RIC8B: variants seen among roughly 807,000 people sequenced by gnomAD.
RIC8B encodes chaperone Ric-8B.
In RIC8B, 16 loss-of-function variants were observed where a neutral mutation model predicts 57.5. The ratio of observed to expected loss-of-function variants is 0.28; its 90% CI spans 0.19 to 0.42. The LOEUF (loss-of-function observed/expected upper bound fraction) is 0.42, where lower values mean the gene tolerates loss of function less well. Ranked by LOEUF, RIC8B falls within the 10% of genes least tolerant of loss-of-function variation. The pLI is 1.00. For synonymous variants in RIC8B, 216 were observed against 250.8 expected, an observed-to-expected ratio of 0.86 and a Z score of 1.31; for missense variants, 481 against 677.0, an observed-to-expected ratio of 0.71 and a Z score of 3.21.
intron 3 of RIC8B, among the ~76,000 whole-genome samples, chr12:106,819,350 C>T (rs1193065091): frequency 6.6e-6 from 1 of 152,078 alleles, no homozygotes; most frequent in Non-Finnish European, 1.5e-5. Flanking sequence ...TAAGATTTAA[C>T]TTGGGGGATA....
rs767694785 is a variant in RIC8B, at chr12:106,842,790, G to C, written c.1038G>C (p.Leu346=). Residue 346 remains leucine (L), a synonymous_variant, in exon 5 of 10, where the codon CTG becomes CTC. Transcript: ENST00000392837. ...GMNMEAIHVL[L]NFMEKRIDKG... Reference sequence around the variant, plus strand: ...ATATGGAGGCCATTCATGTTTTACTGAATTTTATGGAGAAGAGAATAGACA... The same window carrying C: ...ATATGGAGGCCATTCATGTTTTACTCAATTTTATGGAGAAGAGAATAGACA... The C allele has an allele frequency of 1.2e-6, 2 of 1,610,390 alleles. No homozygotes were observed. Among genetic ancestry groups the C allele is most frequent in the Non-Finnish European group, 8.5e-7 (1 of 1,176,822 alleles).
At chr12:106,809,266 G>A (rs1850615551) in intron 2 of RIC8B, among the ~76,000 whole-genome samples, 1 of 152,160 alleles carries the variant, frequency 6.6e-6, no homozygotes, top group Admixed American at 6.5e-5. Flanking sequence ...GCTCAGGCCT[G>A]TAATCCCAGC....
At chr12:106,843,743 A>C in intron 5 of RIC8B, 109 bp from the exon 6 acceptor site, 1 of 654,070 alleles carries the variant, frequency 1.5e-6, no homozygotes. Flanking sequence ...AAAAAAAAAA[A>C]AGTCCCCACC....
At chr12:106,847,919 G>A (rs1269432606) in intron 6 of RIC8B, among the ~76,000 whole-genome samples, 6 of 152,184 alleles carry the variant, frequency 3.9e-5, no homozygotes, top group Admixed American at 3.9e-4. Context: ...GAAGAAAGCA[G>A]TAAACAAAAC....
intron 9 of RIC8B, among the ~76,000 whole-genome samples, chr12:106,871,783 TA>T (rs1385364533): frequency 6.6e-6 from 1 of 152,046 alleles, no homozygotes; most frequent in East Asian, 1.9e-4. Flanking sequence ...AGTAACTGTG[TA>T]AAGGCTAGTA....
At chr12:106,855,224 C>T (rs1841028668) in intron 7 of RIC8B, among the ~76,000 whole-genome samples, 1 of 152,168 alleles carries the variant, frequency 6.6e-6, no homozygotes, top group Admixed American at 6.5e-5. Flanking sequence ...CTGTAATACC[C>T]ACTTCAGTCT....
At chr12:106,840,038 G>A (rs981904222) in intron 4 of RIC8B, among the ~76,000 whole-genome samples, 6 of 152,082 alleles carry the variant, frequency 3.9e-5, no homozygotes, top group African/African-American at 2.4e-5. Flanking sequence ...AATGAATAAA[G>A]AGGGCAAAAG....
At chr12:106,858,044 C>T (rs988109758) in intron 7 of RIC8B, among the ~76,000 whole-genome samples, 7 of 152,036 alleles carry the variant, frequency 4.6e-5, no homozygotes, top group Admixed American at 2.0e-4. Context: ...ATAAAATTGC[C>T]GGGGGCTTTT....
At chr12:106,831,540 GTGGCC>G (rs1045307376) in intron 4 of RIC8B, among the ~76,000 whole-genome samples, 3 of 152,152 alleles carry the variant, frequency 2.0e-5, no homozygotes, top group African/African-American at 7.2e-5. Context: ...GATATTTGGG[GTGGCC>G]TGGCAACATG....
chr12:106,848,974 T>C (rs1204681068), intron 6 of RIC8B, among the ~76,000 whole-genome samples: 2 of 152,026 alleles, frequency 1.3e-5, no homozygotes, highest in East Asian at 3.9e-4. Flanking sequence ...GGAAGGATAA[T>C]GGGGGAGTGG....
intron 4 of RIC8B, among the ~76,000 whole-genome samples, chr12:106,829,324 G>T (rs2046251911): frequency 6.6e-6 from 1 of 152,156 alleles, no homozygotes; most frequent in Non-Finnish European, 1.5e-5. Flanking sequence ...GTTGGCATGT[G>T]GTTGTGGTTT....
chr12:106,809,307 T>A (rs577381174), intron 2 of RIC8B, among the ~76,000 whole-genome samples: 2 of 152,260 alleles, frequency 1.3e-5, no homozygotes, highest in Admixed American at 1.3e-4. Flanking sequence ...GAGGATCACC[T>A]GAGGTCAGGA....
At chr12:106,874,115 C>A (rs549198883) in intron 9 of RIC8B, among the ~76,000 whole-genome samples, 77 of 152,284 alleles carry the variant, frequency 5.1e-4, no homozygotes, top group Non-Finnish European at 8.7e-4. Flanking sequence ...CACATACATC[C>A]TCTTTCTAGT....
intron 8 of RIC8B, among the ~76,000 whole-genome samples, chr12:106,863,111 G>T (rs1950006801): frequency 6.6e-6 from 1 of 152,094 alleles, no homozygotes; most frequent in Non-Finnish European, 1.5e-5. Context: ...TAACTGGCTG[G>T]TATGGTTTAT....
Position 106,775,116 on chromosome 12 carries a change from T to C in RIC8B, c.84+287T>C, listed in dbSNP as rs1593042405. On this transcript the variant is annotated intron_variant, in intron 1 of 9. Transcript: ENST00000392837. ...GTCACACCCCCGGAATCCGTAGATG[T>C]GCATCTGTGCCCCGTGCCCCACTCC... Among the ~76,000 whole-genome samples, 6 of 152,310 alleles carry C rather than the reference T, an allele frequency of 3.9e-5. No individual in the cohort carries two copies. The South Asian group carries it at 1.2e-3, about 32-fold the overall frequency.
At chr12:106,833,095 T>C (rs2046427246) in intron 4 of RIC8B, among the ~76,000 whole-genome samples, 1 of 152,204 alleles carries the variant, frequency 6.6e-6, no homozygotes, top group Non-Finnish European at 1.5e-5. Context: ...TGACAGTGTT[T>C]TGTGTGCCAT....
intron 2 of RIC8B, chr12:106,798,075 T>C (rs1339590042): frequency 1.4e-6 from 1 of 716,626 alleles, no homozygotes; most frequent in African/African-American, 1.7e-5. Context: ...CCAGTGTAAG[T>C]GACTGAATAA....
intron 4 of RIC8B, 39 bp from the exon 5 acceptor site, chr12:106,842,550 A>T (rs770536112): frequency 2.0e-6 from 3 of 1,498,010 alleles, no homozygotes; most frequent in Non-Finnish European, 2.8e-6. Flanking sequence ...GGACTATTCA[A>T]TCAAGTTAAA....
At chr12:106,843,149 C>G (rs1192508003) in intron 5 of RIC8B, among the ~76,000 whole-genome samples, 1 of 152,098 alleles carries the variant, frequency 6.6e-6, no homozygotes, top group Admixed American at 6.5e-5. Context: ...CAAAAACTTG[C>G]TAAATACTCT....
Sources: gnomAD v4.1 joint callset for allele counts (sites outside exome capture counted in the v4.1 genomes callset) on GRCh38, gnomAD v4.1.1 for gene constraint, MANE v1.5 for transcripts, NCBI Gene and HGNC (gene_info 2026-07-23, HGNC 2026-07-21) for gene names.